The following NRCAM variants were observed in gnomAD, a reference collection of about 807,000 sequenced individuals.
The protein encoded by NRCAM is neuronal cell adhesion molecule, also known as NgCAM-related cell adhesion molecule.
A neutral mutation model predicts 156.5 loss-of-function variants in NRCAM; 83 were observed. That is an observed-to-expected ratio of 0.53 (90% CI 0.44 to 0.64). The LOEUF is 0.64. Ranked by LOEUF, NRCAM falls within the 30% of genes least tolerant of loss-of-function variation. NRCAM has a pLI of 0.00. For synonymous variants in NRCAM, 538 were observed against 563.9 expected (o/e 0.95, Z 0.65); for missense variants, 1,417 against 1,597.3 (o/e 0.89, Z 1.92).
At chr7:108,396,496 G>T (rs1029689748) in intron 2 of NRCAM, among the ~76,000 whole-genome samples, 1 of 152,158 alleles carries the variant, frequency 6.6e-6, no homozygotes, top group Admixed American at 6.5e-5. Flanking sequence ...CAATGTAATT[G>T]ACCAAATCAG....
rs1343513299 is a variant in NRCAM, at chr7:108,232,454, C to T, written c.299G>A (p.Gly100Asp). 1 of 1,613,632 alleles carries T rather than the reference C, an allele frequency of 6.2e-7. No individual in the cohort carries two copies. The highest frequency in any genetic ancestry group is 8.5e-7 in the Non-Finnish European group (1 of 1,179,724). The change falls in exon 7 of 33, where the codon GGC becomes GAC. Residue 100 changes from glycine to aspartate, a missense_variant. Physicochemically the swap from Gly to Asp is moderately conservative, Grantham distance 94. Coordinates refer to ENST00000379028, the MANE Select transcript of NRCAM (RefSeq NM_001037132.4). ...DKDPLVTMKP[G>D]TGTLIINIMS... is the part of the protein sequence containing the mutation. ...GATGTTAATTATGAGCGTTCCTGTGCCAGGCTTCATGGTGACCAGAGGGTC... is the reference window on the plus strand; with the variant it reads ...GATGTTAATTATGAGCGTTCCTGTGTCAGGCTTCATGGTGACCAGAGGGTC...
At chr7:108,270,789 T>C (rs372260892) in intron 3 of NRCAM, among the ~76,000 whole-genome samples, 4 of 152,220 alleles carry the variant, frequency 2.6e-5, no homozygotes, top group African/African-American at 9.7e-5. Context: ...ACAAGTATTG[T>C]ATGATTCCAT....
At chr7:108,325,750 C>T (rs1393329553) in intron 2 of NRCAM, among the ~76,000 whole-genome samples, 2 of 151,798 alleles carry the variant, frequency 1.3e-5, no homozygotes, top group African/African-American at 4.8e-5. Context: ...CATGCTATAT[C>T]CCCAGTGCCT....
intron 2 of NRCAM, among the ~76,000 whole-genome samples, chr7:108,337,216 CTG>C (rs549028513): frequency 1.4e-3 from 203 of 150,204 alleles, no homozygotes; most frequent in African/African-American, 4.5e-3. Flanking sequence ...TGAGCTGAGA[CTG>C]TGCCACTGCA....
At chr7:108,231,832 A>G (rs570817361) in intron 7 of NRCAM, among the ~76,000 whole-genome samples, 16 of 152,318 alleles carry the variant, frequency 1.1e-4, no homozygotes, top group African/African-American at 3.6e-4. Context: ...TGTTATTTAA[A>G]TACATGCTCT....
Position 108,149,902 on chromosome 7 carries a change from C to A in NRCAM, c.*8G>T. 1 of 1,600,856 alleles carries A rather than the reference C, an allele frequency of 6.2e-7. No homozygotes were observed. Among genetic ancestry groups the A allele is most frequent in the Non-Finnish European group, 8.5e-7 (1 of 1,174,906 alleles). On this transcript the variant is annotated 3_prime_UTR_variant, in exon 33 of 33. Coordinates refer to ENST00000379028, the MANE Select transcript of NRCAM (RefSeq NM_001037132.4). ...AGAGAAATGGAATATTGGCAAAGAG[C>A]TTAAAAATTAAACAAAGGAATTCAT...
chr7:108,180,508 T>A (rs1262832031), intron 24 of NRCAM, 81 bp from the exon 25 acceptor site: 1 of 1,158,336 alleles, frequency 8.6e-7, no homozygotes, highest in African/African-American at 1.5e-5. Context: ...AAACTGTTGT[T>A]TTTCCAGAAA....
chr7:108,352,987 C>T (rs866268411), intron 2 of NRCAM, among the ~76,000 whole-genome samples: 1 of 151,978 alleles, frequency 6.6e-6, no homozygotes, highest in East Asian at 1.9e-4. Flanking sequence ...CCACTTTACA[C>T]CAAGCCACTA....
chr7:108,445,227 A>T (rs1277364934), intron 1 of NRCAM, among the ~76,000 whole-genome samples: 1 of 152,254 alleles, frequency 6.6e-6, no homozygotes, highest in Non-Finnish European at 1.5e-5. Flanking sequence ...CTGAAAAATA[A>T]AAAGTTCCTT....
chr7:108,412,791 A>G (rs1179961957), intron 1 of NRCAM, among the ~76,000 whole-genome samples: 1 of 152,138 alleles, frequency 6.6e-6, no homozygotes, highest in Non-Finnish European at 1.5e-5. Context: ...AAGTAAGATC[A>G]TGTGGTATTT....
intron 3 of NRCAM, among the ~76,000 whole-genome samples, chr7:108,274,101 A>G (rs530850407): frequency 6.6e-6 from 1 of 151,912 alleles, no homozygotes; most frequent in Admixed American, 6.6e-5. Context: ...ATTGGTCTGT[A>G]TCTGTTCTGA....
intron 3 of NRCAM, among the ~76,000 whole-genome samples, chr7:108,252,673 T>C (rs962666609): frequency 1.3e-5 from 2 of 152,234 alleles, no homozygotes; most frequent in African/African-American, 2.4e-5. Context: ...GTTTTCTCTG[T>C]CCATTTAACT....
intron 2 of NRCAM, among the ~76,000 whole-genome samples, chr7:108,355,504 T>C (rs2099487461): frequency 6.6e-6 from 1 of 152,154 alleles, no homozygotes; most frequent in Non-Finnish European, 1.5e-5. Flanking sequence ...AGAGAAAAAA[T>C]GATGTATACA....
intron 1 of NRCAM, among the ~76,000 whole-genome samples, chr7:108,416,007 T>C (rs1801110192): frequency 6.6e-6 from 1 of 152,244 alleles, no homozygotes; most frequent in Admixed American, 6.5e-5. Flanking sequence ...CTGGCTTTAT[T>C]TCTGTCATGA....
At chr7:108,355,149 A>G (rs1448958108) in intron 2 of NRCAM, among the ~76,000 whole-genome samples, 1 of 152,254 alleles carries the variant, frequency 6.6e-6, no homozygotes, top group Non-Finnish European at 1.5e-5. Flanking sequence ...CCAAAGTCCC[A>G]TGTAATTTTT....
intron 3 of NRCAM, among the ~76,000 whole-genome samples, chr7:108,244,071 T>C (rs1356216807): frequency 2.0e-5 from 3 of 152,206 alleles, no homozygotes; most frequent in African/African-American, 7.2e-5. Flanking sequence ...GTCTTGTCTT[T>C]AGAAGGAAAA....
chr7:108,455,267 C>T (rs1338117145), intron 1 of NRCAM, among the ~76,000 whole-genome samples: 3 of 152,102 alleles, frequency 2.0e-5, no homozygotes, highest in Non-Finnish European at 4.4e-5. Context: ...CCGCCTGGGA[C>T]CAGGATGCGG....
chr7:108,179,613 C>A (rs2062420767), intron 25 of NRCAM, among the ~76,000 whole-genome samples: 1 of 152,162 alleles, frequency 6.6e-6, no homozygotes, highest in African/African-American at 2.4e-5. Context: ...AATTCCTTCT[C>A]CCCTGACTCC....
In NRCAM at chr7:108,195,757, T is replaced by TTACC; in HGVS notation, c.1463_1463+3dup. 6.6e-7 allele frequency: 1 copy of TTACC among 1,517,754 alleles called. No homozygotes were observed. The highest frequency in any genetic ancestry group is 9.2e-7 in the Non-Finnish European group (1 of 1,092,518). 94.0% of individuals were successfully genotyped at this position (1,517,754 alleles called of 1,614,324 possible). A position where few individuals can be genotyped will look rare whatever the true frequency, so the allele number is the denominator to read the frequency against. On this transcript the variant is annotated splice_donor_region_variant and intron_variant, in intron 15 of 32. Coordinates refer to ENST00000379028, the MANE Select transcript of NRCAM (RefSeq NM_001037132.4). ...ATTGAAAAACACACAGAGCTGCTACTTACCACTCGATGGTTGGGAGAGGAG... is the reference window on the plus strand; with the variant it reads ...ATTGAAAAACACACAGAGCTGCTACTTACCTACCACTCGATGGTTGGGAGAGGAG...
Sources: allele counts gnomAD v4.1 joint callset (sites outside exome capture counted in the v4.1 genomes callset), GRCh38; gene constraint gnomAD v4.1.1; transcripts MANE v1.5; gene names NCBI Gene and HGNC (gene_info 2026-07-23, HGNC 2026-07-21).